SMIM15: variants seen among roughly 807,000 people sequenced by gnomAD.
SMIM15 encodes small integral membrane protein 15.
In SMIM15, 5 loss-of-function variants were observed where a neutral mutation model predicts 6.8. That is an observed-to-expected ratio of 0.74 (90% confidence interval 0.39 to 1.56). SMIM15 has a LOEUF of 1.56. Ranked by LOEUF, SMIM15 falls within the 40% of genes most tolerant of loss-of-function variation. The pLI, the probability that SMIM15 is intolerant of heterozygous loss-of-function variation, is 0.03. For synonymous variants in SMIM15, 30 were observed against 30.8 expected (o/e 0.97, Z 0.09); for missense variants, 81 against 84.8 (o/e 0.96, Z 0.18).
At position 61,157,888 on chromosome 5, in the gene SMIM15, T is replaced by TA. The variant is rs913809290; in HGVS notation, c.*2058dup. 6.6e-6 allele frequency: 1 copy of TA among 151,932 alleles called. No homozygotes were observed. The highest frequency in any genetic ancestry group is 2.4e-5 in the African/African-American group (1 of 41,344). 9.4% of individuals were successfully genotyped at this position (151,932 alleles called of 1,614,324 possible). A position where few individuals can be genotyped will look rare whatever the true frequency, so the allele number is the denominator to read the frequency against. ...AACAATTTCTTAAAAGTATTCTAGA[T>TA]AATAGCAAATGGGATTCTTTAACAA... is the stretch of plus-strand genomic sequence containing the variant. On this transcript the variant is annotated 3_prime_UTR_variant, in exon 3 of 3. Transcript: ENST00000339020.
rs573957882 is a variant in SMIM15, at chr5:61,157,845, G to A, written c.*2102C>T. The A allele has an allele frequency of 2.0e-5, 3 of 152,014 alleles. No homozygotes were observed. The highest frequency in any genetic ancestry group is 4.4e-5 in the Non-Finnish European group (3 of 68,014). 9.4% of individuals were successfully genotyped at this position (152,014 alleles called of 1,614,324 possible). ...ATTGTACTTAGTTCTCAGAACTTCA[G>A]AAACAATGTAATAAGTAAACAATTT... is the stretch of plus-strand genomic sequence containing the variant. On this transcript the variant is annotated 3_prime_UTR_variant, in exon 3 of 3. Transcript: ENST00000339020.
intron 2 of SMIM15, among the ~76,000 whole-genome samples, chr5:61,160,429 G>A (rs1383124703): frequency 6.6e-6 from 1 of 152,084 alleles, no homozygotes; most frequent in African/African-American, 2.4e-5. Context: ...CTTCAAAGAG[G>A]TAAAGTTATA....
In SMIM15 at chr5:61,160,162, T is replaced by C; in HGVS notation, c.10A>G (p.Ile4Val). 6.2e-7 allele frequency: 1 copy of C among 1,613,574 alleles called. No individual in the cohort carries two copies. The highest frequency in any genetic ancestry group is 8.5e-7 in the Non-Finnish European group (1 of 1,179,826). The change falls in exon 3 of 3, where the codon ATA becomes GTA. Residue 4 changes from isoleucine to valine, a missense_variant. Coordinates refer to ENST00000339020, the MANE Select transcript of SMIM15 (RefSeq NM_001048249.4). Reference protein sequence around the residue: MFDIKAWAEYVVEW... With the variant: MFDVKAWAEYVVEW... ...ACAACATACTCAGCCCAAGCCTTTATATCAAACATCTTCACAGCAGTCTTA... is the reference window on the plus strand; with the variant it reads ...ACAACATACTCAGCCCAAGCCTTTACATCAAACATCTTCACAGCAGTCTTA...
In SMIM15 at chr5:61,158,140, A is replaced by G. The variant is rs1405777364; in HGVS notation, c.*1807T>C. 2 of 152,208 alleles carry G rather than the reference A, an allele frequency of 1.3e-5. No individual in the cohort carries two copies. The highest frequency in any genetic ancestry group is 4.8e-5 in the African/African-American group (2 of 41,456). The allele number at this position is 152,208 out of a possible 1,614,324, so 9.4% of individuals were successfully genotyped here. On this transcript the variant is annotated 3_prime_UTR_variant, in exon 3 of 3. Coordinates refer to ENST00000339020, the MANE Select transcript of SMIM15 (RefSeq NM_001048249.4). Reference sequence around the variant, plus strand: ...TGGCATGTGTTAAGACTAATAAATTATAGAAAAACAGACCTTTAAATACCT... The same window carrying G: ...TGGCATGTGTTAAGACTAATAAATTGTAGAAAAACAGACCTTTAAATACCT...
At position 61,157,875 on chromosome 5, in the gene SMIM15, A is replaced by T. The variant is rs1741348903; in HGVS notation, c.*2072T>A. ...AATGTAATAAGTAAACAATTTCTTA[A>T]AAGTATTCTAGATAATAGCAAATGG... On this transcript the variant is annotated 3_prime_UTR_variant, in exon 3 of 3. Coordinates refer to ENST00000339020, the MANE Select transcript of SMIM15 (RefSeq NM_001048249.4). 1 of 152,040 alleles carries T rather than the reference A, an allele frequency of 6.6e-6. No individual in the cohort carries two copies. The highest frequency in any genetic ancestry group is 2.4e-5 in the African/African-American group (1 of 41,386). The allele number at this position is 152,040 out of a possible 1,614,324, so 9.4% of individuals were successfully genotyped here.
rs1377016015 is a variant in SMIM15 at position 61,160,068 on chromosome 5, AG to A, written c.103del (p.Leu35Ter). On this transcript the variant is annotated frameshift_variant, in exon 3 of 3. Coordinates refer to ENST00000339020, the MANE Select transcript of SMIM15 (RefSeq NM_001048249.4). LOFTEE classifies it high-confidence loss of function. ...TVILALTPLF[L>X]ASAVLSWKLA... is the part of the protein sequence containing the mutation. ...TTTCCAAGACAGTACAGCACTTGCT[AG>A]GAACAGTGGAGTAAGGGCCAAAATA... 24 of 1,614,044 alleles carry A rather than the reference AG, an allele frequency of 1.5e-5. No individual in the cohort carries two copies. Among genetic ancestry groups the A allele is most frequent in the Non-Finnish European group, 1.9e-5 (23 of 1,180,026 alleles).
chr5:61,160,295 A>G (rs1741390832), intron 2 of SMIM15, 96 bp from the exon 3 acceptor site: 1 of 816,680 alleles, frequency 1.2e-6, no homozygotes, highest in Non-Finnish European at 1.9e-6. Context: ...ACAACCAGTT[A>G]ACTCAGGATT....
In SMIM15 at chr5:61,160,209, G is replaced by A; in HGVS notation, c.-28-10C>T. On this transcript the variant is annotated splice_polypyrimidine_tract_variant and intron_variant, in intron 2 of 2. Transcript: ENST00000339020. The stretch of plus-strand genomic sequence containing the variant: ...CTTATGAAAACTGGGGCTGGGGGAG[G>A]CGGGTGGAGAACACAGAGGAAAAAA... 6.3e-7 allele frequency: 1 copy of A among 1,590,552 alleles called. No individual in the cohort carries two copies. Among genetic ancestry groups the A allele is most frequent in the Non-Finnish European group, 8.6e-7 (1 of 1,165,614 alleles).
rs757432839 is a variant in SMIM15 at position 61,158,049 on chromosome 5, T to C, written c.*1898A>G. On this transcript the variant is annotated 3_prime_UTR_variant, in exon 3 of 3. Transcript: ENST00000339020. ...CTGTAAAGTATGAATCTCACATATA[T>C]AGAAAGGCTCTCTAAATGATGGAAA... is the stretch of plus-strand genomic sequence containing the variant. The C allele has an allele frequency of 4.1e-5, 6 of 147,060 alleles. No individual in the cohort carries two copies. Among genetic ancestry groups the C allele is most frequent in the Non-Finnish European group, 9.0e-5 (6 of 66,784 alleles). 9.1% of individuals were successfully genotyped at this position (147,060 alleles called of 1,614,324 possible).
rs1241805012 is a variant in SMIM15 at position 61,158,793 on chromosome 5, C to T, written c.*1154G>A. On this transcript the variant is annotated 3_prime_UTR_variant, in exon 3 of 3. Coordinates refer to ENST00000339020, the MANE Select transcript of SMIM15 (RefSeq NM_001048249.4). ...ATAAAAGCCATGTTTAATAGTAAAACGTTCCAGTTCTACTAAACTGAAAGA... is the reference window on the plus strand; with the variant it reads ...ATAAAAGCCATGTTTAATAGTAAAATGTTCCAGTTCTACTAAACTGAAAGA... 3 of 152,094 alleles carry T rather than the reference C, an allele frequency of 2.0e-5. No individual in the cohort carries two copies. Among genetic ancestry groups the T allele is most frequent in the Non-Finnish European group, 2.9e-5 (2 of 67,996 alleles). 9.4% of individuals were successfully genotyped at this position (152,094 alleles called of 1,614,324 possible). A position where few individuals can be genotyped will look rare whatever the true frequency, so the allele number is the denominator to read the frequency against.
Position 61,161,529 on chromosome 5 carries a change from A to G in SMIM15, c.-168-302T>C, listed in dbSNP as rs193208752. ...GACAAGTTGGCTCACTGACTGACTT[A>G]CACAGCGTATCCGTTCCTAGATTTT... On this transcript the variant is annotated intron_variant, in intron 1 of 2. Transcript: ENST00000339020. Among the ~76,000 whole-genome samples the G allele has an allele frequency of 5.9e-4, 90 of 152,348 alleles. No homozygotes were observed. In the Middle Eastern group the frequency reaches 0.01, roughly 17 times the overall value.
Position 61,160,147 on chromosome 5 carries a change from C to T in SMIM15, c.25G>A (p.Glu9Lys), listed in dbSNP as rs1421279114. Residue 9 changes from glutamate (E) to lysine (K), a missense_variant, in exon 3 of 3, where the codon GAG becomes AAG. Transcript: ENST00000339020. ...TTTGCAGCCCATTCCACAACATACT[C>T]AGCCCAAGCCTTTATATCAAACATC... MFDIKAWAEYVVEWAAKDP... is the reference protein window; with the variant it reads MFDIKAWAKYVVEWAAKDP... The T allele has an allele frequency of 1.2e-6, 2 of 1,613,880 alleles. No homozygotes were observed. Among genetic ancestry groups the T allele is most frequent in the Non-Finnish European group, 1.7e-6 (2 of 1,179,914 alleles).
Position 61,159,504 on chromosome 5 carries a change from C to T in SMIM15, c.*443G>A. 1 of 166,826 alleles carries T rather than the reference C, an allele frequency of 6.0e-6. No individual in the cohort carries two copies. The highest frequency in any genetic ancestry group is 1.3e-5 in the Non-Finnish European group (1 of 75,850). 10.3% of individuals were successfully genotyped at this position (166,826 alleles called of 1,614,324 possible). ...AAAGATGTAATTAATATACTGTATC[C>T]CTTTTAAGCCAAAGCACACTTTTTA... On this transcript the variant is annotated 3_prime_UTR_variant, in exon 3 of 3. Transcript: ENST00000339020.
In SMIM15 at chr5:61,159,003, C is replaced by T. The variant is rs530880532; in HGVS notation, c.*944G>A. The T allele has an allele frequency of 5.9e-5, 9 of 152,282 alleles. No homozygotes were observed. The South Asian group carries it at 1.4e-3, about 25-fold the overall frequency. 9.4% of individuals were successfully genotyped at this position (152,282 alleles called of 1,614,324 possible). On this transcript the variant is annotated 3_prime_UTR_variant, in exon 3 of 3. Transcript: ENST00000339020. ...TCTTTAAAAGAAATGTGAAATTTAA[C>T]GTTTTACTTTGAACCTGTTTGATCA...
chr5:61,160,692 GAGA>G (rs1490352380), intron 2 of SMIM15, among the ~76,000 whole-genome samples: 4 of 152,366 alleles, frequency 2.6e-5, no homozygotes, highest in South Asian at 2.1e-4. Flanking sequence ...AATGCTCGCA[GAGA>G]AGGAGAGATG....
chr5:61,160,034 C>G lies in SMIM15; in HGVS notation c.138G>C (p.Lys46Asn), dbSNP rs1255916140. 1.9e-6 allele frequency: 3 copies of G among 1,614,158 alleles called. No homozygotes were observed. The Admixed American group carries it at 5.0e-5, about 27-fold the overall frequency. ...ASAVLSWKLA[K>N]MIEAREKEQK... ...GCTCCTTCTCCCTGGCCTCAATCAT[C>G]TTGGCCAATTTCCAAGACAGTACAG... The change falls in exon 3 of 3, where the codon AAG (lysine) becomes AAC (asparagine). Residue 46 changes from lysine (K) to asparagine (N), a missense_variant. Transcript: ENST00000339020.
chr5:61,161,541 CG>C (rs1224936224), intron 1 of SMIM15, among the ~76,000 whole-genome samples: 1 of 152,080 alleles, frequency 6.6e-6, no homozygotes. Context: ...ACAGCGTATC[CG>C]TTCCTAGATT....
At position 61,159,775 on chromosome 5, in the gene SMIM15, T is replaced by C; in HGVS notation, c.*172A>G. 1 of 705,558 alleles carries C rather than the reference T, an allele frequency of 1.4e-6. No homozygotes were observed. The highest frequency in any genetic ancestry group is 2.3e-6 in the Non-Finnish European group (1 of 433,540). 43.7% of individuals were successfully genotyped at this position (705,558 alleles called of 1,614,324 possible). ...ACCTATAAACTTCTACACCCACGCC[T>C]AAAAGTTACTATAGTATTGAGGTCA... On this transcript the variant is annotated 3_prime_UTR_variant, in exon 3 of 3. Transcript: ENST00000339020.
At position 61,160,292 on chromosome 5, in the gene SMIM15, G is replaced by A. The variant is rs1741390783; in HGVS notation, c.-28-93C>T. 4.8e-6 allele frequency: 4 copies of A among 837,338 alleles called. No individual in the cohort carries two copies. In the East Asian group the frequency reaches 7.9e-5, roughly 17 times the overall value. 51.9% of individuals were successfully genotyped at this position (837,338 alleles called of 1,614,324 possible). On this transcript the variant is annotated intron_variant, in intron 2 of 2. Coordinates refer to ENST00000339020, the MANE Select transcript of SMIM15 (RefSeq NM_001048249.4). ...TTGAAAAAGTTTCCTCACACAACCAGTTAACTCAGGATTCCATTATCACTC... is the reference window on the plus strand; with the variant it reads ...TTGAAAAAGTTTCCTCACACAACCAATTAACTCAGGATTCCATTATCACTC...
Sources: gnomAD v4.1 joint callset for allele counts (sites outside exome capture counted in the v4.1 genomes callset) on GRCh38, gnomAD v4.1.1 for gene constraint, MANE v1.5 for transcripts, NCBI Gene and HGNC (gene_info 2026-07-23, HGNC 2026-07-21) for gene names.